PPP1R13B: variants seen among roughly 807,000 people sequenced by gnomAD.
PPP1R13B encodes apoptosis-stimulating of p53 protein 1.
In PPP1R13B, 44 loss-of-function variants were observed where a neutral mutation model predicts 119.8. The observed-to-expected ratio is 0.37, with a 90% CI of 0.29 to 0.47. The LOEUF is 0.47. Ranked by LOEUF, PPP1R13B falls within the 20% of genes least tolerant of loss-of-function variation. The pLI, the probability that PPP1R13B is intolerant of heterozygous loss-of-function variation, is 0.99. For missense variants in PPP1R13B, 1,227 were observed against 1,413.5 expected, an observed-to-expected ratio of 0.87 and a Z score of 2.12; for synonymous variants, 542 against 561.5, an observed-to-expected ratio of 0.97 and a Z score of 0.49.
chr14:103,796,649 A>G (rs1032978803), intron 2 of PPP1R13B, among the ~76,000 whole-genome samples: 1 of 152,150 alleles, frequency 6.6e-6, no homozygotes, highest in Non-Finnish European at 1.5e-5. Context: ...ATATGAAAAT[A>G]TATGTCCACA....
chr14:103,772,982 T>C (rs749595030), intron 4 of PPP1R13B, among the ~76,000 whole-genome samples: 3 of 152,292 alleles, frequency 2.0e-5, no homozygotes, highest in Non-Finnish European at 4.4e-5. Flanking sequence ...CTTTTTTGAA[T>C]TGGGTTGTTT....
chr14:103,795,421 T>C (rs1201457009), intron 2 of PPP1R13B, among the ~76,000 whole-genome samples: 1 of 152,140 alleles, frequency 6.6e-6, no homozygotes, highest in Non-Finnish European at 1.5e-5. Context: ...TGTGACTCTG[T>C]GCTCCAGGGT....
intron 7 of PPP1R13B, among the ~76,000 whole-genome samples, chr14:103,751,669 G>A (rs1433376291): frequency 6.6e-6 from 1 of 152,152 alleles, no homozygotes; most frequent in Non-Finnish European, 1.5e-5. Context: ...TTCACGGAGA[G>A]AGACTACAAC....
chr14:103,797,975 T>TTA (rs929523494), intron 1 of PPP1R13B, among the ~76,000 whole-genome samples: 2 of 151,946 alleles, frequency 1.3e-5, no homozygotes, highest in Non-Finnish European at 2.9e-5. Flanking sequence ...CTAGCAGAAG[T>TTA]TCCTAATAGA....
At chr14:103,816,562 C>T (rs1367032510) in intron 1 of PPP1R13B, among the ~76,000 whole-genome samples, 1 of 151,138 alleles carries the variant, frequency 6.6e-6, no homozygotes, top group Non-Finnish European at 1.5e-5. Flanking sequence ...TGGCACATGC[C>T]TGTAATCCCA....
At chr14:103,768,508 A>G (rs2084990037) in intron 4 of PPP1R13B, among the ~76,000 whole-genome samples, 1 of 152,032 alleles carries the variant, frequency 6.6e-6, no homozygotes, top group African/African-American at 2.4e-5. Context: ...CATATTGGCC[A>G]GGATGGTCTC....
At chr14:103,741,374 C>T (rs1364529914) in intron 11 of PPP1R13B, among the ~76,000 whole-genome samples, 1 of 152,218 alleles carries the variant, frequency 6.6e-6, no homozygotes, top group Non-Finnish European at 1.5e-5. Flanking sequence ...CAGCAGACGC[C>T]CTCCTTAAAC....
chr14:103,779,697 G>A (rs973122698), intron 3 of PPP1R13B, among the ~76,000 whole-genome samples: 5 of 152,076 alleles, frequency 3.3e-5, no homozygotes, highest in South Asian at 2.1e-4. Flanking sequence ...AGGCTGAGGA[G>A]AATAGCTTGA....
chr14:103,772,489 A>C (rs1879853624), intron 4 of PPP1R13B, among the ~76,000 whole-genome samples: 1 of 152,216 alleles, frequency 6.6e-6, no homozygotes, highest in Non-Finnish European at 1.5e-5. Flanking sequence ...TTTCCTCACC[A>C]ACACTTGTTA....
intron 2 of PPP1R13B, among the ~76,000 whole-genome samples, chr14:103,795,640 A>G (rs1305585702): frequency 1.3e-5 from 2 of 151,976 alleles, no homozygotes; most frequent in Non-Finnish European, 2.9e-5. Flanking sequence ...CAAGTAACAG[A>G]GAACAAAAGT....
chr14:103,784,707 G>C, intron 3 of PPP1R13B, 88 bp downstream of exon 3: 9 of 1,315,766 alleles, frequency 6.8e-6, no homozygotes, highest in Non-Finnish European at 9.2e-6. Context: ...GGCCGGGTGT[G>C]TGTGAATAAT....
At chr14:103,762,963 C>T (rs1024296138) in intron 4 of PPP1R13B, 27 of 1,117,968 alleles carry the variant, frequency 2.4e-5, no homozygotes, top group Non-Finnish European at 3.6e-5. Context: ...ATAAAAGTAC[C>T]AGCCTCTCAG....
intron 2 of PPP1R13B, among the ~76,000 whole-genome samples, chr14:103,785,605 G>A (rs2085444030): frequency 6.7e-6 from 1 of 150,218 alleles, no homozygotes; most frequent in African/African-American, 2.5e-5. Context: ...TCTGCCTCCA[G>A]GGTTCGAGAG....
chr14:103,812,681 C>T lies in PPP1R13B; in HGVS notation c.10-15163G>A, dbSNP rs138746178. Among the ~76,000 whole-genome samples the T allele has an allele frequency of 4.4e-3, 672 of 152,280 alleles. 4 individuals carry two copies. Among genetic ancestry groups the T allele is most frequent in the Middle Eastern group, 0.014 (4 of 294 alleles). The stretch of plus-strand genomic sequence containing the variant: ...TGATCCCCCTGCCTCAGCCAAGGTG[C>T]TAGGATTACACGCGTGAGCCACCGC... On this transcript the variant is annotated intron_variant, in intron 1 of 16. Coordinates refer to ENST00000202556, the MANE Select transcript of PPP1R13B (RefSeq NM_015316.3).
Position 103,847,347 on chromosome 14 carries a change from A to T in PPP1R13B, c.-40T>A, listed in dbSNP as rs2087074679. 2 of 1,203,242 alleles carry T rather than the reference A, an allele frequency of 1.7e-6. No individual in the cohort carries two copies. Among genetic ancestry groups the T allele is most frequent in the East Asian group, 1.0e-4 (2 of 19,384 alleles). The allele number at this position is 1,203,242 out of a possible 1,614,324, so 74.5% of individuals were successfully genotyped here. On this transcript the variant is annotated 5_prime_UTR_variant, in exon 1 of 17. Transcript: ENST00000202556. Reference sequence around the variant, plus strand: ...GCGACGCCCTCGGCCGCCGCCTGACAGGACGCTCCGCGCCGAGCTGTGCCC... The same window carrying T: ...GCGACGCCCTCGGCCGCCGCCTGACTGGACGCTCCGCGCCGAGCTGTGCCC...
At chr14:103,772,292 C>T (rs1027440145) in intron 4 of PPP1R13B, among the ~76,000 whole-genome samples, 1 of 152,236 alleles carries the variant, frequency 6.6e-6, no homozygotes, top group Admixed American at 6.5e-5. Context: ...CCAAATCAAA[C>T]TGCTATGGAC....
intron 1 of PPP1R13B, among the ~76,000 whole-genome samples, chr14:103,806,624 C>T (rs1405224711): frequency 1.3e-5 from 2 of 152,146 alleles, no homozygotes; most frequent in Non-Finnish European, 2.9e-5. Flanking sequence ...ATCTCAGAAA[C>T]ATTAGAGCTG....
chr14:103,838,798 T>C (rs530374290), intron 1 of PPP1R13B, among the ~76,000 whole-genome samples: 1 of 152,310 alleles, frequency 6.6e-6, no homozygotes, highest in African/African-American at 2.4e-5. Flanking sequence ...AAAGTTACTA[T>C]TATGCTCAAC....
intron 1 of PPP1R13B, among the ~76,000 whole-genome samples, chr14:103,844,386 T>C (rs2086979433): frequency 6.6e-6 from 1 of 152,116 alleles, no homozygotes; most frequent in Non-Finnish European, 1.5e-5. Context: ...TCTCATTTAT[T>C]CTCAACAGCT....
Sources: allele counts gnomAD v4.1 joint callset (sites outside exome capture counted in the v4.1 genomes callset), GRCh38; gene constraint gnomAD v4.1.1; transcripts MANE v1.5; gene names NCBI Gene and HGNC (gene_info 2026-07-23, HGNC 2026-07-21).